The following EIF2A variants were observed in gnomAD, a reference collection of about 807,000 sequenced individuals.
EIF2A encodes 65 kDa eukaryotic translation initiation factor 2A.
A neutral mutation model predicts 75.2 loss-of-function variants in EIF2A; 62 were observed. That is an observed-to-expected ratio of 0.82 (90% CI 0.67 to 1.02). EIF2A has a LOEUF of 1.02. EIF2A is among the 50% of genes least tolerant of loss of function. The pLI is 0.00. For synonymous variants in EIF2A, 207 were observed against 239.0 expected, an observed-to-expected ratio of 0.87 and a Z score of 1.23; for missense variants, 611 against 677.7, an observed-to-expected ratio of 0.90 and a Z score of 1.09.
At chr3:150,548,690 A>G (rs891119229) in intron 1 of EIF2A, among the ~76,000 whole-genome samples, 2 of 152,216 alleles carry the variant, frequency 1.3e-5, no homozygotes, top group Non-Finnish European at 2.9e-5. Flanking sequence ...TATCCTTTTA[A>G]ATTAATGAAG....
Position 150,581,598 on chromosome 3 carries a change from TA to T in EIF2A, c.1498-13del, listed in dbSNP as rs1446915997. ...TGTTTTTGGCTTTTAAAATTGAATT[TA>T]AAAAAATATTTCCTGCAGGAAGCAA... On this transcript the variant is annotated intron_variant, in intron 11 of 13. Transcript: ENST00000460851. 5.2e-6 allele frequency: 8 copies of T among 1,546,626 alleles called. No individual in the cohort carries two copies. The African/African-American group carries it at 6.9e-5, about 13-fold the overall frequency.
Position 150,584,852 on chromosome 3 carries a change from G to T in EIF2A, c.*941G>T, listed in dbSNP as rs1357591842. The stretch of plus-strand genomic sequence containing the variant: ...AAATCCTTTTTTAAAAATTTTTAAA[G>T]AAAAAGTATACACACAGGACTTTTT... On this transcript the variant is annotated 3_prime_UTR_variant, in exon 14 of 14. Transcript: ENST00000460851. Among the ~76,000 whole-genome samples the T allele has an allele frequency of 6.6e-6, 1 of 151,150 alleles. No individual in the cohort carries two copies. Among genetic ancestry groups the T allele is most frequent in the Non-Finnish European group, 1.5e-5 (1 of 67,776 alleles).
At chr3:150,575,816 C>A in intron 11 of EIF2A, 54 bp downstream of exon 11, 1 of 1,447,364 alleles carries the variant, frequency 6.9e-7, no homozygotes, top group Non-Finnish European at 9.4e-7. Flanking sequence ...TGGCCGGGCG[C>A]AGTGGCTCAC....
Position 150,568,231 on chromosome 3 carries a change from C to G in EIF2A, c.750C>G (p.Tyr250Ter). ...STDVDKTGASYYGEQTLHYIA... is the reference protein window; with the variant it reads ...STDVDKTGAS ...ATGTTGACAAGACAGGAGCTTCCTA[C>G]TATGGAGAACAAACTCTACACTACA... Residue 250 changes from tyrosine (Y) to a stop codon, truncating the protein, a stop_gained, in exon 9 of 14, where the codon TAC (tyrosine) becomes TAG (stop). Coordinates refer to ENST00000460851, the MANE Select transcript of EIF2A (RefSeq NM_032025.5). LOFTEE classifies it high-confidence loss of function. 1 of 1,613,738 alleles carries G rather than the reference C, an allele frequency of 6.2e-7. No homozygotes were observed. The highest frequency in any genetic ancestry group is 8.5e-7 in the Non-Finnish European group (1 of 1,179,784).
intron 13 of EIF2A, among the ~76,000 whole-genome samples, chr3:150,583,593 G>C (rs568385406): frequency 3.9e-4 from 60 of 152,112 alleles, no homozygotes; most frequent in African/African-American, 1.3e-3. Flanking sequence ...CCCTCCTCCT[G>C]TCAACATGTT....
intron 2 of EIF2A, among the ~76,000 whole-genome samples, chr3:150,556,567 A>C (rs1723581171): frequency 6.6e-6 from 1 of 152,226 alleles, no homozygotes; most frequent in Admixed American, 6.5e-5. Flanking sequence ...TGATAATGAC[A>C]TCTAGTTTTT....
intron 2 of EIF2A, 34 bp downstream of exon 2, chr3:150,552,459 A>G (rs1043223694): frequency 8.6e-6 from 13 of 1,516,378 alleles, no homozygotes; most frequent in Non-Finnish European, 1.2e-5. Flanking sequence ...TGTTATAGGG[A>G]ACATACAGTA....
At chr3:150,558,870 A>G (rs1044162306) in intron 3 of EIF2A, 4 of 152,894 alleles carry the variant, frequency 2.6e-5, no homozygotes, top group African/African-American at 9.6e-5. Context: ...AGTTATTATT[A>G]TTAGTCTTAT....
intron 2 of EIF2A, among the ~76,000 whole-genome samples, chr3:150,554,868 T>G (rs1283267542): frequency 1.3e-5 from 2 of 152,202 alleles, no homozygotes; most frequent in Non-Finnish European, 2.9e-5. Flanking sequence ...CAGAAATGCA[T>G]CTCAGGCCCT....
At chr3:150,573,853 T>C (rs547538779) in intron 10 of EIF2A, among the ~76,000 whole-genome samples, 38 of 152,012 alleles carry the variant, frequency 2.5e-4, no homozygotes, top group Non-Finnish European at 4.9e-4. Context: ...TAAGTAAAAA[T>C]TTATATATAA....
Position 150,564,377 on chromosome 3 carries a change from T to A in EIF2A, c.471T>A (p.Asn157Lys), listed in dbSNP as rs754074478. The A allele has an allele frequency of 6.3e-7, 1 of 1,589,020 alleles. No individual in the cohort carries two copies. Among genetic ancestry groups the A allele is most frequent in the Admixed American group, 1.8e-5 (1 of 55,236 alleles). Residue 157 changes from asparagine (N) to lysine (K), a missense_variant, in exon 6 of 14, where the codon AAT (asparagine) becomes AAA (lysine). By Grantham distance (94) the Asn-to-Lys change is moderately conservative. Transcript: ENST00000460851. ...AAGTTCACTTCTTTGAAAACAACAA[T>A]TTTAGTATGGAAAGATTTATGACAT... ...NNEVHFFENN[N>K]FNTIANKLHL...
At chr3:150,564,206 G>T in intron 5 of EIF2A, 93 bp from the exon 6 acceptor site, 1 of 937,754 alleles carries the variant, frequency 1.1e-6, no homozygotes, top group Non-Finnish European at 1.5e-6. Context: ...TCCTTAAATG[G>T]TAACCAATAT....
At chr3:150,547,766 T>C (rs1313887323) in intron 1 of EIF2A, among the ~76,000 whole-genome samples, 1 of 152,216 alleles carries the variant, frequency 6.6e-6, no homozygotes, top group African/African-American at 2.4e-5. Context: ...AAAATCTTTG[T>C]TATTAAGCGC....
intron 1 of EIF2A, 52 bp from the exon 2 acceptor site, chr3:150,552,304 C>T (rs1198399569): frequency 6.9e-7 from 1 of 1,445,630 alleles, no homozygotes; most frequent in East Asian, 2.5e-5. Flanking sequence ...TTTGTGTTAA[C>T]TGAGTCTTTA....
chr3:150,581,552 A>C lies in EIF2A; in HGVS notation c.1498-66A>C. The C allele has an allele frequency of 3.3e-6, 5 of 1,509,108 alleles. No homozygotes were observed. In the South Asian group the frequency reaches 6.3e-5, roughly 19 times the overall value. 93.5% of individuals were successfully genotyped at this position (1,509,108 alleles called of 1,614,324 possible). A position where few individuals can be genotyped will look rare whatever the true frequency, so the allele number is the denominator to read the frequency against. ...TTTCTGTATTTCATATGCCAAAGCTATGTTGATTTAAATACTGTAATGTTT... is the reference window on the plus strand; with the variant it reads ...TTTCTGTATTTCATATGCCAAAGCTCTGTTGATTTAAATACTGTAATGTTT... On this transcript the variant is annotated intron_variant, in intron 11 of 13. Transcript: ENST00000460851.
chr3:150,569,925 A>G (rs1304674066), intron 9 of EIF2A, among the ~76,000 whole-genome samples: 1 of 152,268 alleles, frequency 6.6e-6, no homozygotes, highest in Non-Finnish European at 1.5e-5. Context: ...AAGTAGATCC[A>G]TACTTTTGTA....
intron 3 of EIF2A, among the ~76,000 whole-genome samples, chr3:150,559,115 C>G (rs994921504): frequency 1.3e-5 from 2 of 152,108 alleles, no homozygotes; most frequent in Non-Finnish European, 1.5e-5. Context: ...TTGTTCTAAA[C>G]CACATATAAT....
intron 12 of EIF2A, among the ~76,000 whole-genome samples, chr3:150,582,630 C>T (rs1725257684): frequency 3.3e-5 from 5 of 152,086 alleles, no homozygotes; most frequent in Admixed American, 3.3e-4. Flanking sequence ...TACTTTTATA[C>T]TCAGTATTTC....
chr3:150,571,621 TAAAC>T (rs1403117692), intron 9 of EIF2A, among the ~76,000 whole-genome samples: 12 of 152,042 alleles, frequency 7.9e-5, no homozygotes, highest in South Asian at 6.2e-4. Context: ...AATAAATAAA[TAAAC>T]AAATAAATAA....
Sources: allele counts gnomAD v4.1 joint callset (sites outside exome capture counted in the v4.1 genomes callset), GRCh38; gene constraint gnomAD v4.1.1; transcripts MANE v1.5; gene names NCBI Gene and HGNC (gene_info 2026-07-23, HGNC 2026-07-21).